ABTB3: variants seen among roughly 807,000 people sequenced by gnomAD.
ABTB3 encodes ankyrin repeat and BTB domain containing 3, also known as ankyrin repeat- and BTB/POZ domain-containing protein 3.
chr12:107,377,414 A>AGTGTGTGTGTGTGT, the ABTB3 span, among the ~76,000 whole-genome samples: 13 of 146,622 alleles, frequency 8.9e-5, no homozygotes, highest in South Asian at 8.8e-4. Flanking sequence ...AGAGAGCAAG[A>AGTGTGTGTGTGTGT]GTGTGTGTGT....
the ABTB3 span, among the ~76,000 whole-genome samples, chr12:107,419,106 C>T: frequency 1.3e-5 from 2 of 152,132 alleles, no homozygotes; most frequent in East Asian, 3.9e-4. Flanking sequence ...AGGTTGCATA[C>T]CCCCAGGGGA....
At chr12:107,428,161 A>G in the ABTB3 span, among the ~76,000 whole-genome samples, 1 of 152,160 alleles carries the variant, frequency 6.6e-6, no homozygotes, top group Non-Finnish European at 1.5e-5. Flanking sequence ...TGCTTGTTGA[A>G]TGGCTGGTTG....
the ABTB3 span, among the ~76,000 whole-genome samples, chr12:107,503,693 G>A: frequency 6.8e-6 from 1 of 146,850 alleles, no homozygotes; most frequent in Admixed American, 7.0e-5. Context: ...GGAGGTCGAG[G>A]CTGCACTGAG....
chr12:107,612,253 G>C, the ABTB3 span, among the ~76,000 whole-genome samples: 29 of 152,206 alleles, frequency 1.9e-4, no homozygotes, highest in African/African-American at 6.5e-4. Context: ...TTCCTCATTT[G>C]CTTGCCTTTT....
the ABTB3 span, among the ~76,000 whole-genome samples, chr12:107,561,228 G>A: frequency 6.6e-6 from 1 of 152,134 alleles, no homozygotes; most frequent in African/African-American, 2.4e-5. Flanking sequence ...GGGGCAGCAA[G>A]GTGGGGAAAG....
the ABTB3 span, among the ~76,000 whole-genome samples, chr12:107,501,764 T>A: frequency 6.6e-6 from 1 of 152,054 alleles, no homozygotes; most frequent in Non-Finnish European, 1.5e-5. Flanking sequence ...AAAAAAAATG[T>A]CCAGGCACAT....
the ABTB3 span, among the ~76,000 whole-genome samples, chr12:107,597,744 G>A: frequency 5.9e-5 from 9 of 152,342 alleles, no homozygotes; most frequent in African/African-American, 2.2e-4. Flanking sequence ...TCTCTGTCAT[G>A]TAATGTATCA....
chr12:107,363,168 C>T, the ABTB3 span, among the ~76,000 whole-genome samples: 1 of 152,232 alleles, frequency 6.6e-6, no homozygotes, highest in African/African-American at 2.4e-5. Context: ...TGCGTTGGGG[C>T]AGGCCTTCTG....
chr12:107,627,159 A>G, the ABTB3 span, among the ~76,000 whole-genome samples: 228 of 152,354 alleles, frequency 1.5e-3, 1 homozygote, highest in African/African-American at 5.0e-3. Context: ...TTCTTAATTT[A>G]TAGACCCCAG....
chr12:107,554,332 G>A, the ABTB3 span, among the ~76,000 whole-genome samples: 4 of 150,650 alleles, frequency 2.7e-5, no homozygotes, highest in Admixed American at 2.7e-4. Context: ...ACATCAATTA[G>A]GAAGAATAGT....
chr12:107,321,782 A>T, the ABTB3 span, among the ~76,000 whole-genome samples: 2 of 152,182 alleles, frequency 1.3e-5, no homozygotes, highest in Non-Finnish European at 2.9e-5. Context: ...CAAAAAGCAC[A>T]GAGGGGCTTA....
chr12:107,364,088 C>T, the ABTB3 span, among the ~76,000 whole-genome samples: 1 of 152,122 alleles, frequency 6.6e-6, no homozygotes, highest in Non-Finnish European at 1.5e-5. Flanking sequence ...TTGAATGCAA[C>T]CAATGTGTAC....
At chr12:107,375,618 G>A in the ABTB3 span, among the ~76,000 whole-genome samples, 12,499 of 152,212 alleles carry the variant, frequency 0.082, 717 homozygotes, top group East Asian at 0.3. Flanking sequence ...AGCAGGTAGC[G>A]CGAAGTTTCT....
At chr12:107,641,786 G>A in the ABTB3 span, among the ~76,000 whole-genome samples, 2,550 of 152,264 alleles carry the variant, frequency 0.017, 82 homozygotes, top group African/African-American at 0.058. Context: ...TGAAGGTGGC[G>A]GCCACGTGAC....
At chr12:107,600,623 C>T in the ABTB3 span, among the ~76,000 whole-genome samples, 1 of 152,222 alleles carries the variant, frequency 6.6e-6, no homozygotes, top group Admixed American at 6.5e-5. Flanking sequence ...TCTGCACCTT[C>T]CAATGGTGGG....
the ABTB3 span, among the ~76,000 whole-genome samples, chr12:107,340,314 C>T: frequency 1.3e-5 from 2 of 152,172 alleles, no homozygotes; most frequent in Non-Finnish European, 2.9e-5. Flanking sequence ...CCAGCTGAGA[C>T]TGGCCTCAGA....
the ABTB3 span, among the ~76,000 whole-genome samples, chr12:107,605,080 G>T: frequency 6.6e-6 from 1 of 152,208 alleles, no homozygotes; most frequent in Admixed American, 6.5e-5. Context: ...AATGCATATG[G>T]TAATTAGTTT....
chr12:107,426,440 C>T, the ABTB3 span, among the ~76,000 whole-genome samples: 1 of 152,132 alleles, frequency 6.6e-6, no homozygotes, highest in Non-Finnish European at 1.5e-5. Context: ...CTGGAGTGGG[C>T]TCCCTGGCTG....
At chr12:107,570,292 G>A in the ABTB3 span, among the ~76,000 whole-genome samples, 11 of 152,056 alleles carry the variant, frequency 7.2e-5, no homozygotes, top group Non-Finnish European at 1.6e-4. Flanking sequence ...TCGGCTTACT[G>A]CAACCTCTGC....
Sources: gnomAD v4.1 joint callset for allele counts (sites outside exome capture counted in the v4.1 genomes callset) on GRCh38, gnomAD v4.1.1 for gene constraint, MANE v1.5 for transcripts, NCBI Gene and HGNC (gene_info 2026-07-23, HGNC 2026-07-21) for gene names.